The following CACNA2D1 variants were observed in gnomAD, a reference collection of about 807,000 sequenced individuals.
The protein encoded by CACNA2D1 is voltage-dependent calcium channel subunit alpha-2/delta-1.
A neutral mutation model predicts 171.5 loss-of-function variants in CACNA2D1; 53 were observed. The observed-to-expected ratio is 0.31, with a 90% CI of 0.25 to 0.39. The LOEUF (loss-of-function observed/expected upper bound fraction) is 0.39. Among genes scored for constraint, CACNA2D1 ranks in the 10% least tolerant of loss-of-function variants. The pLI, the probability that CACNA2D1 is intolerant of heterozygous loss-of-function variation, is 1.00. For synonymous variants in CACNA2D1, 442 were observed against 443.1 expected (o/e 1.00, Z 0.03); for missense variants, 903 against 1,299.8 (o/e 0.69, Z 4.69).
intron 3 of CACNA2D1, among the ~76,000 whole-genome samples, chr7:82,189,579 T>G (rs935547095): frequency 6.6e-6 from 1 of 151,776 alleles, no homozygotes; most frequent in South Asian, 2.1e-4. Flanking sequence ...AAATGAAAAA[T>G]TTTGGCAAAG....
intron 12 of CACNA2D1, among the ~76,000 whole-genome samples, chr7:82,016,957 C>CT (rs1800559456): frequency 6.6e-6 from 1 of 151,926 alleles, no homozygotes; most frequent in South Asian, 2.1e-4. Flanking sequence ...ACATTATTTT[C>CT]CTGAAATTTT....
At chr7:81,979,339 A>G (rs1330915940) in intron 24 of CACNA2D1, among the ~76,000 whole-genome samples, 2 of 152,196 alleles carry the variant, frequency 1.3e-5, no homozygotes, top group African/African-American at 4.8e-5. Context: ...GACTACAGAA[A>G]TGGTTCATAC....
chr7:82,402,679 C>A (rs1826557427), intron 1 of CACNA2D1, among the ~76,000 whole-genome samples: 2 of 117,280 alleles, frequency 1.7e-5, no homozygotes, highest in Admixed American at 1.2e-4. Flanking sequence ...GCACTTCAGC[C>A]AGGGCAATAC....
chr7:82,393,127 GAGGC>G (rs1825375016), intron 1 of CACNA2D1, among the ~76,000 whole-genome samples: 1 of 131,186 alleles, frequency 7.6e-6, no homozygotes, highest in African/African-American at 2.8e-5. Flanking sequence ...GGGAGGGAGG[GAGGC>G]AGGCAGGAAG....
chr7:82,040,452 CAAAA>C (rs34257660), intron 10 of CACNA2D1, among the ~76,000 whole-genome samples: 1,523 of 106,500 alleles, frequency 0.014, 6 homozygotes, highest in African/African-American at 0.04. Context: ...ATAATTTATT[CAAAA>C]AAAAAAAAAA....
chr7:82,362,634 C>T (rs973250555), intron 1 of CACNA2D1, among the ~76,000 whole-genome samples: 12 of 152,170 alleles, frequency 7.9e-5, no homozygotes, highest in Non-Finnish European at 1.8e-4. Context: ...TGTATTTTCC[C>T]AAAGCTCTGG....
In CACNA2D1 at chr7:82,443,476, C is replaced by T. The variant is rs1435082764; in HGVS notation, c.-17G>A. On this transcript the variant is annotated 5_prime_UTR_variant, in exon 1 of 39. Coordinates refer to ENST00000356860, the MANE Select transcript of CACNA2D1 (RefSeq NM_000722.4). ...AGCAGCCATCTTCGCGATCGAAGATCAATGCCCCCTCCCTGCCCAAGCGGG... is the reference window on the plus strand; with the variant it reads ...AGCAGCCATCTTCGCGATCGAAGATTAATGCCCCCTCCCTGCCCAAGCGGG... The T allele has an allele frequency of 3.7e-6, 6 of 1,605,718 alleles. No homozygotes were observed. Among genetic ancestry groups the T allele is most frequent in the Non-Finnish European group, 3.4e-6 (4 of 1,175,910 alleles).
intron 16 of CACNA2D1, among the ~76,000 whole-genome samples, chr7:82,006,965 C>A (rs140162542): frequency 1.0e-3 from 152 of 152,104 alleles, no homozygotes; most frequent in African/African-American, 3.4e-3. Context: ...AAATCAGTTT[C>A]TAGTATTAAA....
chr7:82,286,235 A>C (rs1397517879), intron 3 of CACNA2D1, among the ~76,000 whole-genome samples: 1 of 152,058 alleles, frequency 6.6e-6, no homozygotes, highest in Non-Finnish European at 1.5e-5. Flanking sequence ...AAGGGTCCCA[A>C]GCGATTGAGA....
chr7:81,983,738 T>A (rs1019744829), intron 22 of CACNA2D1, among the ~76,000 whole-genome samples: 2 of 152,100 alleles, frequency 1.3e-5, no homozygotes, highest in Non-Finnish European at 1.5e-5. Flanking sequence ...TATCTATCTA[T>A]CAAGTGAAAG....
intron 36 of CACNA2D1, among the ~76,000 whole-genome samples, chr7:81,961,448 C>CT (rs564515673): frequency 6.6e-5 from 10 of 150,486 alleles, no homozygotes; most frequent in South Asian, 2.1e-4. Context: ...CAAAACAAGA[C>CT]TTTTTTTTTG....
At chr7:82,288,084 C>A (rs1354798318) in intron 3 of CACNA2D1, among the ~76,000 whole-genome samples, 1 of 151,572 alleles carries the variant, frequency 6.6e-6, no homozygotes, top group Non-Finnish European at 1.5e-5. Context: ...TCGTGATCTG[C>A]CCGCCTCGGC....
chr7:82,335,632 T>C (rs997965864), intron 2 of CACNA2D1, among the ~76,000 whole-genome samples: 3 of 151,970 alleles, frequency 2.0e-5, no homozygotes, highest in African/African-American at 7.3e-5. Context: ...AGGTCAAACC[T>C]GGAGGAGTGT....
intron 3 of CACNA2D1, among the ~76,000 whole-genome samples, chr7:82,186,189 A>AAGGGAGGGAGGGAGGGAGGG (rs539998713): frequency 9.8e-6 from 1 of 102,336 alleles, no homozygotes; most frequent in African/African-American, 3.7e-5. Flanking sequence ...GGAAGGAAGG[A>AAGGGAGGGAGGGAGGGAGGG]AGGGAGGGAG....
chr7:82,402,047 A>T (rs889687477), intron 1 of CACNA2D1, among the ~76,000 whole-genome samples: 14 of 152,210 alleles, frequency 9.2e-5, no homozygotes, highest in African/African-American at 3.4e-4. Flanking sequence ...TGGCAATACG[A>T]TGTGATAAAT....
At chr7:82,173,638 C>CAAAAAAATTAG (rs1563155957) in intron 3 of CACNA2D1, among the ~76,000 whole-genome samples, 8 of 151,954 alleles carry the variant, frequency 5.3e-5, no homozygotes, top group African/African-American at 1.9e-4. Context: ...TTATAGAAAA[C>CAAAAAAATTAG]CGACATGTCT....
intron 1 of CACNA2D1, among the ~76,000 whole-genome samples, chr7:82,387,794 C>A (rs1422560773): frequency 1.3e-5 from 2 of 152,076 alleles, no homozygotes; most frequent in Admixed American, 6.5e-5. Context: ...AAATTTAAAT[C>A]TGAAGGCCGG....
intron 1 of CACNA2D1, among the ~76,000 whole-genome samples, chr7:82,362,959 A>G (rs1415181427): frequency 6.6e-6 from 1 of 152,172 alleles, no homozygotes; most frequent in Non-Finnish European, 1.5e-5. Flanking sequence ...ACAAACTGTC[A>G]GAAAGTTCTG....
chr7:82,431,561 T>C (rs7782634), intron 1 of CACNA2D1, among the ~76,000 whole-genome samples: 99,601 of 152,024 alleles, frequency 0.66, 33,690 homozygotes, highest in African/African-American at 0.82. Context: ...CCTCAAAGCT[T>C]CTGCAAAGGG....
Sources: allele counts gnomAD v4.1 joint callset (sites outside exome capture counted in the v4.1 genomes callset), GRCh38; gene constraint gnomAD v4.1.1; transcripts MANE v1.5; gene names NCBI Gene and HGNC (gene_info 2026-07-23, HGNC 2026-07-21).